The following AP1G2 variants were observed in gnomAD, a reference collection of about 807,000 sequenced individuals.
The protein encoded by AP1G2 is adaptor related protein complex 1 subunit gamma 2.
Under a neutral mutation model 95.8 loss-of-function variants are expected in AP1G2, and 85 were observed. That is an observed-to-expected ratio of 0.89 (90% CI 0.74 to 1.06). The LOEUF is 1.06. Among genes scored for constraint, AP1G2 ranks in the 50% least tolerant of loss-of-function variants. AP1G2 has a pLI of 0.00. For synonymous variants in AP1G2, 378 were observed against 400.0 expected (o/e 0.94, Z 0.66); for missense variants, 967 against 1,005.8 (o/e 0.96, Z 0.52).
In AP1G2 at chr14:23,565,218, T is replaced by C; in HGVS notation, c.742-19A>G. The C allele has an allele frequency of 2.5e-6, 4 of 1,612,496 alleles. No homozygotes were observed. The highest frequency in any genetic ancestry group is 3.4e-6 in the Non-Finnish European group (4 of 1,179,198). On this transcript the variant is annotated intron_variant, in intron 7 of 21. Transcript: ENST00000397120. ...TCTGGACCTGAGGTTGGGTTGAAAA[T>C]GGAAAGTTGGAGGGGTTCATAGGAT...
intron 7 of AP1G2, 160 bp downstream of exon 7, chr14:23,565,446 C>T: frequency 1.4e-6 from 1 of 738,858 alleles, no homozygotes; most frequent in Non-Finnish European, 2.2e-6. Context: ...CATTCCCTCT[C>T]CCCTCACAGG....
intron 20 of AP1G2, 54 bp downstream of exon 20, chr14:23,560,201 T>C: frequency 1.9e-6 from 3 of 1,593,836 alleles, no homozygotes; most frequent in Non-Finnish European, 2.6e-6. Context: ...CTCCACTTAG[T>C]GGCCTTTTCT....
At chr14:23,564,744 C>G in intron 8 of AP1G2, 84 bp from the exon 9 acceptor site, 1 of 1,294,246 alleles carries the variant, frequency 7.7e-7, no homozygotes, top group Non-Finnish European at 1.1e-6. Context: ...CTCTGTCGCC[C>G]AAAGCTCACT....
At position 23,559,744 on chromosome 14, in the gene AP1G2, G is replaced by T; in HGVS notation, c.*5C>A. On this transcript the variant is annotated 3_prime_UTR_variant, in exon 22 of 22. Coordinates refer to ENST00000397120, the MANE Select transcript of AP1G2 (RefSeq NM_003917.5). ...AGGAGAATTTCAGGCTGTGAGTGGAGACAGTTACTGCCACGATTCCACAGG... is the reference window on the plus strand; with the variant it reads ...AGGAGAATTTCAGGCTGTGAGTGGATACAGTTACTGCCACGATTCCACAGG... 6.2e-7 allele frequency: 1 copy of T among 1,613,834 alleles called. No homozygotes were observed. Among genetic ancestry groups the T allele is most frequent in the African/African-American group, 1.3e-5 (1 of 75,032 alleles).
At chr14:23,564,019 C>T (rs1335874528) in intron 11 of AP1G2, 27 bp downstream of exon 11, 1 of 1,613,224 alleles carries the variant, frequency 6.2e-7, no homozygotes, top group South Asian at 1.1e-5. Flanking sequence ...TCTGCCCTGC[C>T]CTCCTGTCCC....
At position 23,563,415 on chromosome 14, in the gene AP1G2, G is replaced by T; in HGVS notation, c.1375C>A (p.Arg459Ser). ...TCTTCTGCCAGGGCATTGTAGAGGCGGCGCACAGAGTAGGCATGTAGCTCC... is the reference window on the plus strand; with the variant it reads ...TCTTCTGCCAGGGCATTGTAGAGGCTGCGCACAGAGTAGGCATGTAGCTCC... ...AQELHAYSVR[R>S]LYNALAEDIS... Residue 459 changes from arginine to serine, a missense_variant, in exon 14 of 22, where the codon CGC becomes AGC. Transcript: ENST00000397120. The T allele has an allele frequency of 6.2e-7, 1 of 1,608,538 alleles. No individual in the cohort carries two copies. Among genetic ancestry groups the T allele is most frequent in the East Asian group, 2.2e-5 (1 of 44,624 alleles).
chr14:23,563,481 C>T lies in AP1G2; in HGVS notation c.1309G>A (p.Asp437Asn), dbSNP rs148842762. 4.8e-5 allele frequency: 77 copies of T among 1,614,178 alleles called. No individual in the cohort carries two copies. The Middle Eastern group carries it at 1.5e-3, about 31-fold the overall frequency. ...AGCTGGGTCAGGTTGGCCACTGCAT[C>T]ATCCCGCACATGGGTGCCCGCCTGG... ...LTTAGTHVRD[D>N]AVANLTQLIG... The change falls in exon 14 of 22, where the codon GAT becomes AAT. Residue 437 changes from aspartate (D) to asparagine (N), a missense_variant. Asp to Asn is a conservative substitution (Grantham distance 23). Coordinates refer to ENST00000397120, the MANE Select transcript of AP1G2 (RefSeq NM_003917.5).
At position 23,562,673 on chromosome 14, in the gene AP1G2, C is replaced by T. The variant is rs186783352; in HGVS notation, c.1411-80G>A. On this transcript the variant is annotated intron_variant, in intron 14 of 21. Transcript: ENST00000397120. ...ATCCCAGCGCATTGGGAGGCTGAGG[C>T]GGGAGGATTGCTTGAGACCAGGAGT... 1,022 of 1,444,498 alleles carry T rather than the reference C, an allele frequency of 7.1e-4. 2 individuals carry two copies. The highest frequency in any genetic ancestry group is 1.6e-3 in the South Asian group (128 of 80,500). The allele number at this position is 1,444,498 out of a possible 1,614,324, so 89.5% of individuals were successfully genotyped here.
At chr14:23,560,569 C>T (rs1883793771) in intron 19 of AP1G2, 151 bp from the exon 20 acceptor site, 2 of 769,272 alleles carry the variant, frequency 2.6e-6, no homozygotes, top group South Asian at 2.1e-5. Flanking sequence ...ATGGAGCTTA[C>T]TGTCTAATGG....
At chr14:23,565,097 C>T (rs1373834775) in intron 8 of AP1G2, 22 bp downstream of exon 8, 2 of 1,613,386 alleles carry the variant, frequency 1.2e-6, no homozygotes, top group South Asian at 1.1e-5. Flanking sequence ...ACACAGCTAA[C>T]CAGTGCCCTC....
chr14:23,566,449 A>C (rs1403345388), intron 3 of AP1G2, 30 bp from the exon 4 acceptor site: 2 of 1,608,818 alleles, frequency 1.2e-6, no homozygotes, highest in Non-Finnish European at 8.5e-7. Flanking sequence ...GGTCAGTCAA[A>C]CCTCTGAGAA....
rs887272181 is a variant in AP1G2 at position 23,567,500 on chromosome 14, A to G, written c.-5-181T>C. 7.2e-6 allele frequency: 10 copies of G among 1,386,044 alleles called. No homozygotes were observed. In the East Asian group the frequency reaches 8.7e-5, roughly 12 times the overall value. 85.9% of individuals were successfully genotyped at this position (1,386,044 alleles called of 1,614,324 possible). On this transcript the variant is annotated intron_variant, in intron 1 of 21. Transcript: ENST00000397120. The surrounding 1 kb of genome is among the most constrained non-coding windows in gnomAD (Gnocchi z 5.3). ...TCCGCGCCCACCCCACCGCCCGAGA[A>G]GCCCACTACGCATGCGTCCGCACCC...
In AP1G2 at chr14:23,562,287, CTTG is replaced by C. The variant is rs772214302; in HGVS notation, c.1626_1628del (p.Asn543del). The C allele has an allele frequency of 1.2e-4, 195 of 1,614,150 alleles. No homozygotes were observed. Among genetic ancestry groups the C allele is most frequent in the Admixed American group, 8.2e-4 (49 of 60,024 alleles). Reference sequence around the variant, plus strand: ...CTCAAGGGGCTGGGACCCCTTCTTACTTGTTGTCCCCACAGAGGCGAGTGCTGA... The same window carrying C: ...CTCAAGGGGCTGGGACCCCTTCTTACTTGTCCCCACAGAGGCGAGTGCTGA... On this transcript the variant is annotated inframe_deletion and splice_region_variant, in exon 16 of 22. Coordinates refer to ENST00000397120, the MANE Select transcript of AP1G2 (RefSeq NM_003917.5).
intron 2 of AP1G2, chr14:23,566,906 T>A: frequency 1.1e-6 from 1 of 877,332 alleles, no homozygotes; most frequent in Non-Finnish European, 1.7e-6. Context: ...ATGCCTGCCC[T>A]AAAGGAGGCT....
chr14:23,563,217 C>G, intron 14 of AP1G2, 163 bp downstream of exon 14: 1 of 1,447,026 alleles, frequency 6.9e-7, no homozygotes, highest in Admixed American at 2.8e-5. Context: ...AGGACAAAAG[C>G]CCAGATGTTC....
At position 23,560,246 on chromosome 14, in the gene AP1G2, T is replaced by C. The variant is rs201747532; in HGVS notation, c.2157+9A>G. On this transcript the variant is annotated intron_variant, in intron 20 of 21. Coordinates refer to ENST00000397120, the MANE Select transcript of AP1G2 (RefSeq NM_003917.5). ...CCCAGGCCACCTCTGAACTCTGATC[T>C]TTACAAACCTTGGGCACAGCAGCCT... 1 of 1,612,978 alleles carries C rather than the reference T, an allele frequency of 6.2e-7. No homozygotes were observed. Among genetic ancestry groups the C allele is most frequent in the Non-Finnish European group, 8.5e-7 (1 of 1,179,928 alleles).
rs151071419 is a variant in AP1G2, at chr14:23,565,687, C to T, written c.660G>A (p.Leu220=). ...LRHFRKVVPQ[L]VHILRTLVTM... is the part of the protein sequence containing the mutation. ...TCACCAGAGTCCGGAGGATGTGTAC[C>T]AGCTGGGGTACCACCTGGAGGGAGG... Residue 220 remains leucine, a synonymous_variant, in exon 7 of 22, where the codon CTG becomes CTA. Transcript: ENST00000397120. 18 of 1,614,140 alleles carry T rather than the reference C, an allele frequency of 1.1e-5. No individual in the cohort carries two copies. In the Middle Eastern group the frequency reaches 6.6e-4, roughly 59 times the overall value.
In AP1G2 at chr14:23,561,341, C is replaced by T. The variant is rs1323521145; in HGVS notation, c.1948G>A (p.Ala650Thr). The T allele has an allele frequency of 6.3e-7, 1 of 1,578,556 alleles. No homozygotes were observed. Reference protein sequence around the residue: ...PPHLDPSPGGALVHLLDLPCV... With the variant: ...PPHLDPSPGGTLVHLLDLPCV... Reference sequence around the variant, plus strand: ...GGAAGGTCAAGCAGGTGTACCAGGGCACCTCCTGGGGAGGGGTCCAGATGG... The same window carrying T: ...GGAAGGTCAAGCAGGTGTACCAGGGTACCTCCTGGGGAGGGGTCCAGATGG... The change falls in exon 19 of 22, where the codon GCC becomes ACC. Residue 650 changes from alanine to threonine, a missense_variant. Ala to Thr is a moderately conservative substitution (Grantham distance 58). Transcript: ENST00000397120.
chr14:23,567,499 A>T lies in AP1G2; in HGVS notation c.-5-180T>A. 7.2e-7 allele frequency: 1 copy of T among 1,387,724 alleles called. No individual in the cohort carries two copies. Among genetic ancestry groups the T allele is most frequent in the Admixed American group, 3.5e-5 (1 of 28,480 alleles). The allele number at this position is 1,387,724 out of a possible 1,614,324, so 86.0% of individuals were successfully genotyped here. The stretch of plus-strand genomic sequence containing the variant: ...TTCCGCGCCCACCCCACCGCCCGAG[A>T]AGCCCACTACGCATGCGTCCGCACC... On this transcript the variant is annotated intron_variant, in intron 1 of 21. Coordinates refer to ENST00000397120, the MANE Select transcript of AP1G2 (RefSeq NM_003917.5). This position sits in a 1 kb window ranked among gnomAD's most constrained non-coding sequence, Gnocchi z 5.3.
Sources: gnomAD v4.1 joint callset for allele counts on GRCh38, gnomAD v4.1.1 for gene constraint, Gnocchi (gnomAD v3.1) non-coding constraint, MANE v1.5 for transcripts, NCBI Gene and HGNC (gene_info 2026-07-23, HGNC 2026-07-21) for gene names.